Variants in ROBO2 observed in about 807,000 individuals in gnomAD.
ROBO2 encodes the protein roundabout homolog 2.
ROBO2 carries 53 observed loss-of-function variants against 160.8 expected under a neutral mutation model. The ratio of observed to expected loss-of-function variants is 0.33; its 90% CI spans 0.26 to 0.41. The LOEUF (loss-of-function observed/expected upper bound fraction) is 0.41. Ranked by LOEUF, ROBO2 falls within the 10% of genes least tolerant of loss-of-function variation. The pLI is 1.00. For missense variants in ROBO2, 1,577 were observed against 1,722.4 expected (o/e 0.92, Z 1.49); for synonymous variants, 664 against 611.7 (o/e 1.09, Z -1.26).
intron 2 of ROBO2, among the ~76,000 whole-genome samples, chr3:76,522,172 C>T (rs2081660814): frequency 1.3e-5 from 2 of 152,112 alleles, no homozygotes; most frequent in African/African-American, 4.8e-5. Flanking sequence ...CCCTCCTCAC[C>T]CTAACAGTTG....
intron 2 of ROBO2, among the ~76,000 whole-genome samples, chr3:77,378,225 C>T (rs1260809975): frequency 6.6e-6 from 1 of 152,106 alleles, no homozygotes; most frequent in Non-Finnish European, 1.5e-5. Context: ...AGGTAAGTAT[C>T]GTTCTCCCTA....
At chr3:77,304,429 G>A (rs929856879) in intron 2 of ROBO2, among the ~76,000 whole-genome samples, 15 of 152,070 alleles carry the variant, frequency 9.9e-5, no homozygotes, top group Non-Finnish European at 1.3e-4. Context: ...TGTCTCTTGG[G>A]GCCCAGTCGG....
Position 76,689,531 on chromosome 3 carries a change from G to C in ROBO2, c.110-408483G>C, listed in dbSNP as rs531687904. 1.7e-3 allele frequency among the ~76,000 whole-genome samples: 265 copies of C among 152,042 alleles called. 1 individual carries two copies. Among genetic ancestry groups the C allele is most frequent in the African/African-American group, 6.1e-3 (255 of 41,488 alleles). On this transcript the variant is annotated intron_variant, in intron 2 of 26. Coordinates refer to the ROBO2 transcript ENST00000487694. ...ATTTTGAAATATACAATAAATTATT[G>C]TTAATTATAATTTCCTGTCTCCTAC... is the stretch of plus-strand genomic sequence containing the variant.
chr3:76,208,093 G>C (rs1208086761), intron 2 of ROBO2, among the ~76,000 whole-genome samples: 1 of 152,160 alleles, frequency 6.6e-6, no homozygotes, highest in Non-Finnish European at 1.5e-5. Context: ...GTGGCTGTAA[G>C]TTTCCTGAGG....
intron 2 of ROBO2, among the ~76,000 whole-genome samples, chr3:77,356,939 A>G (rs1216218668): frequency 6.6e-6 from 1 of 152,206 alleles, no homozygotes; most frequent in Non-Finnish European, 1.5e-5. Context: ...TAAAGAAGAC[A>G]TTATGGAGTA....
At position 76,470,558 on chromosome 3, in the gene ROBO2, C is replaced by T. The variant is rs149629969; in HGVS notation, c.109+532956C>T. 8.2e-3 allele frequency among the ~76,000 whole-genome samples: 1,254 copies of T among 152,142 alleles called. 15 individuals are homozygous for T. Among genetic ancestry groups the T allele is most frequent in the Middle Eastern group, 0.027 (8 of 294 alleles). ...GTGACTCGGGCTTCTCATACCAGAG[C>T]TTCTAGGTTCTAAGAAGAAGCATAC... On this transcript the variant is annotated intron_variant, in intron 2 of 26. Transcript: ENST00000487694.
At chr3:76,820,359 A>T (rs994734465) in intron 2 of ROBO2, among the ~76,000 whole-genome samples, 5 of 151,996 alleles carry the variant, frequency 3.3e-5, no homozygotes, top group African/African-American at 1.2e-4. Context: ...CAATATGAAA[A>T]ATTTTTTTTT....
intron 2 of ROBO2, among the ~76,000 whole-genome samples, chr3:77,018,929 G>A (rs532336402): frequency 6.6e-6 from 1 of 152,196 alleles, no homozygotes; most frequent in South Asian, 2.1e-4. Flanking sequence ...CTGATTATCA[G>A]AGTTGATTTC....
At chr3:75,973,977 C>A (rs939451168) in intron 2 of ROBO2, among the ~76,000 whole-genome samples, 1 of 151,452 alleles carries the variant, frequency 6.6e-6, no homozygotes, top group Non-Finnish European at 1.5e-5. Flanking sequence ...GGAGAAAAAC[C>A]ATGGAAATGT....
At chr3:77,573,102 G>A (rs2093678197) in intron 13 of ROBO2, among the ~76,000 whole-genome samples, 1 of 151,910 alleles carries the variant, frequency 6.6e-6, no homozygotes. Context: ...AGTGAAGTAT[G>A]TCAAATTTAA....
chr3:77,210,835 G>A (rs1191676357), intron 2 of ROBO2, among the ~76,000 whole-genome samples: 2 of 151,576 alleles, frequency 1.3e-5, no homozygotes, highest in Non-Finnish European at 2.9e-5. Context: ...GAGAACACGT[G>A]GTGTTTGGTT....
chr3:76,047,610 C>T (rs188840313), intron 2 of ROBO2, among the ~76,000 whole-genome samples: 3 of 152,044 alleles, frequency 2.0e-5, no homozygotes, highest in African/African-American at 7.2e-5. Context: ...CAAGCCTCAG[C>T]GATAATTATA....
intron 2 of ROBO2, among the ~76,000 whole-genome samples, chr3:77,032,651 A>C (rs2063390999): frequency 6.6e-6 from 1 of 152,186 alleles, no homozygotes; most frequent in African/African-American, 2.4e-5. Flanking sequence ...TTTGAGACAC[A>C]TTACAAGACA....
chr3:75,979,457 A>G (rs1481909346), intron 2 of ROBO2, among the ~76,000 whole-genome samples: 1 of 151,532 alleles, frequency 6.6e-6, no homozygotes, highest in Non-Finnish European at 1.5e-5. Context: ...GAAACCCACA[A>G]GAATGGATAA....
In ROBO2 at chr3:77,408,347, C is replaced by T. The variant is rs78582745; in HGVS notation, c.389-69067C>T. Among the ~76,000 whole-genome samples the T allele has an allele frequency of 6.4e-3, 975 of 152,026 alleles. 12 individuals are homozygous for T. The highest frequency in any genetic ancestry group is 0.022 in the African/African-American group (916 of 41,488). On this transcript the variant is annotated intron_variant, in intron 2 of 25. Coordinates refer to ENST00000461745, the Ensembl canonical transcript of ROBO2. ...GTAAAGAATAAAAAGGTTTTCTATC[C>T]TTGTTGTTTCTCTAAGTTGAAATAA...
intron 2 of ROBO2, among the ~76,000 whole-genome samples, chr3:77,239,979 G>C (rs9832594): frequency 0.87 from 131,743 of 152,214 alleles, 57,109 homozygotes; most frequent in East Asian, 0.99. Context: ...TCTAGCTAGA[G>C]ATAAAAGTTC....
intron 2 of ROBO2, among the ~76,000 whole-genome samples, chr3:76,329,443 C>T (rs1055382352): frequency 2.0e-5 from 3 of 152,180 alleles, no homozygotes; most frequent in African/African-American, 7.2e-5. Flanking sequence ...GTCTCCAACT[C>T]CTGACCTCAA....
intron 2 of ROBO2, among the ~76,000 whole-genome samples, chr3:76,088,665 A>G (rs1576807623): frequency 6.6e-6 from 1 of 152,102 alleles, no homozygotes; most frequent in Non-Finnish European, 1.5e-5. Flanking sequence ...TATATTTTGA[A>G]CTGAATTTAA....
At chr3:76,332,885 T>C (rs1359508091) in intron 2 of ROBO2, among the ~76,000 whole-genome samples, 1 of 152,220 alleles carries the variant, frequency 6.6e-6, no homozygotes, top group Non-Finnish European at 1.5e-5. Flanking sequence ...TTGTGTGTGT[T>C]TTTTGTTATA....
Sources: gnomAD v4.1 joint callset for allele counts (sites outside exome capture counted in the v4.1 genomes callset) on GRCh38, gnomAD v4.1.1 for gene constraint, MANE v1.5 for transcripts, NCBI Gene and HGNC (gene_info 2026-07-23, HGNC 2026-07-21) for gene names.